The following MKLN1 variants were observed in gnomAD, a reference collection of about 807,000 sequenced individuals.
MKLN1 encodes the protein muskelin.
A neutral mutation model predicts 99.0 loss-of-function variants in MKLN1; 18 were observed. The observed-to-expected ratio is 0.18, with a 90% CI of 0.13 to 0.27. MKLN1 has a LOEUF of 0.27. MKLN1 is among the 10% of genes least tolerant of loss of function. The pLI, the probability that MKLN1 is intolerant of heterozygous loss-of-function variation, is 1.00. For synonymous variants in MKLN1, 288 were observed against 293.2 expected, an observed-to-expected ratio of 0.98 and a Z score of 0.18; for missense variants, 621 against 875.9, an observed-to-expected ratio of 0.71 and a Z score of 3.67.
intron 3 of MKLN1, among the ~76,000 whole-genome samples, chr7:131,287,200 ATGAACAGGTT>A (rs2116591434): frequency 6.6e-6 from 1 of 152,366 alleles, no homozygotes; most frequent in East Asian, 1.9e-4. Context: ...CCCATCTGAG[ATGAACAGGTT>A]TTGTGCTGGT....
chr7:131,441,975 G>A (rs1795853626), intron 10 of MKLN1, among the ~76,000 whole-genome samples: 2 of 152,300 alleles, frequency 1.3e-5, no homozygotes, highest in East Asian at 1.9e-4. Context: ...AGCCCTCAAC[G>A]GAGGCAGTGG....
At chr7:131,114,437 A>G (rs2116844698) in intron 1 of MKLN1, among the ~76,000 whole-genome samples, 1 of 152,320 alleles carries the variant, frequency 6.6e-6, no homozygotes, top group African/African-American at 2.4e-5. Flanking sequence ...GGAATAGTTC[A>G]TGGAAGTAGA....
At chr7:131,393,755 G>A (rs1400637578) in intron 4 of MKLN1, among the ~76,000 whole-genome samples, 1 of 152,048 alleles carries the variant, frequency 6.6e-6, no homozygotes, top group Non-Finnish European at 1.5e-5. Context: ...CTCCCAAGTA[G>A]CCAGGACTAC....
upstream of MKLN1, chr7:131,327,729 T>C (rs929868418): frequency 8.1e-7 from 1 of 1,238,188 alleles, no homozygotes; most frequent in Non-Finnish European, 1.1e-6. Flanking sequence ...GCGAGCGACG[T>C]GGGAAACCCT....
At chr7:131,327,588 T>C, upstream of MKLN1, 1 of 320,852 alleles carries the variant, frequency 3.1e-6, no homozygotes, top group East Asian at 5.7e-5. Flanking sequence ...CGTGTTTCTG[T>C]TCGTAATCAT....
intron 1 of MKLN1, among the ~76,000 whole-genome samples, chr7:131,110,367 G>T (rs145993218): frequency 0.012 from 1,898 of 152,242 alleles, 15 homozygotes; most frequent in Middle Eastern, 0.051. Flanking sequence ...GCCAAACGCA[G>T]CAATAATTAC....
intron 3 of MKLN1, among the ~76,000 whole-genome samples, chr7:131,256,167 A>G (rs1204911594): frequency 6.6e-6 from 1 of 152,116 alleles, no homozygotes; most frequent in Non-Finnish European, 1.5e-5. Context: ...CGGCCTCCCA[A>G]AGTGCTGGGA....
At chr7:131,243,740 G>A (rs932633564) in intron 3 of MKLN1, among the ~76,000 whole-genome samples, 2 of 152,128 alleles carry the variant, frequency 1.3e-5, no homozygotes, top group African/African-American at 4.8e-5. Flanking sequence ...CAGGCCCTGC[G>A]AGGTAGCTCA....
Position 131,264,724 on chromosome 7 carries a change from A to G in MKLN1, c.-179+61750A>G, listed in dbSNP as rs535665954. ...TTTTGCAGTTCTGTTGTTCAGCTAG[A>G]GAAGTTGTGAATTTTCTGCCTTAGC... is the stretch of plus-strand genomic sequence containing the variant. On this transcript the variant is annotated intron_variant, in intron 3 of 7. Coordinates refer to the MKLN1 transcript ENST00000416992. Among the ~76,000 whole-genome samples the G allele has an allele frequency of 1.2e-4, 19 of 152,230 alleles. No homozygotes were observed. In the South Asian group the frequency reaches 3.9e-3, roughly 32 times the overall value.
intron 3 of MKLN1, among the ~76,000 whole-genome samples, chr7:131,275,366 T>G (rs1164370960): frequency 1.7e-4 from 16 of 92,982 alleles, no homozygotes; most frequent in African/African-American, 6.3e-4. Flanking sequence ...TTGTTGTTGG[T>G]TTTTTTTTTT....
intron 1 of MKLN1, among the ~76,000 whole-genome samples, chr7:131,329,639 T>G (rs1431702176): frequency 6.6e-6 from 1 of 152,216 alleles, no homozygotes. Flanking sequence ...CTTAAATTTT[T>G]GATGTAGGCC....
intron 2 of MKLN1, among the ~76,000 whole-genome samples, chr7:131,167,201 T>C (rs1796139825): frequency 6.6e-6 from 1 of 152,092 alleles, no homozygotes; most frequent in South Asian, 2.1e-4. Flanking sequence ...TTCAAGGGTA[T>C]GATGAGGTTT....
chr7:131,247,400 G>C (rs1266791616), intron 3 of MKLN1, among the ~76,000 whole-genome samples: 1 of 151,984 alleles, frequency 6.6e-6, no homozygotes, highest in Non-Finnish European at 1.5e-5. Context: ...ATTTTTAGTA[G>C]AGATGGGGTT....
chr7:131,381,623 T>TACC lies in MKLN1; in HGVS notation c.169-5479_169-5477dup, dbSNP rs551454706. 3.3e-4 allele frequency among the ~76,000 whole-genome samples: 50 copies of TACC among 152,154 alleles called. No individual in the cohort carries two copies. The East Asian group carries it at 5.0e-3, about 15-fold the overall frequency. ...AATTCCATCATCCTGACCTCATCACTACCACCACCACCACCACCACTGCCA... is the reference window on the plus strand; with the variant it reads ...AATTCCATCATCCTGACCTCATCACTACCACCACCACCACCACCACCACTGCCA... On this transcript the variant is annotated intron_variant, in intron 2 of 17. Transcript: ENST00000352689.
At chr7:131,147,227 T>TTTC (rs1795827570) in intron 2 of MKLN1, among the ~76,000 whole-genome samples, 1 of 150,482 alleles carries the variant, frequency 6.6e-6, no homozygotes, top group South Asian at 2.1e-4. Flanking sequence ...ATTTTTTTTT[T>TTTC]TTTTTTGTAT....
intron 3 of MKLN1, among the ~76,000 whole-genome samples, chr7:131,275,878 C>T (rs1797964359): frequency 6.6e-6 from 1 of 152,088 alleles, no homozygotes; most frequent in African/African-American, 2.4e-5. Context: ...TGTAGACTTA[C>T]TCACCCCGTC....
intron 17 of MKLN1, among the ~76,000 whole-genome samples, chr7:131,482,309 C>T (rs1797146813): frequency 6.6e-6 from 1 of 152,164 alleles, no homozygotes. Flanking sequence ...ATCCTTCTGC[C>T]TCAGCCTCCC....
chr7:131,428,521 A>G (rs1479486381), intron 8 of MKLN1, among the ~76,000 whole-genome samples: 2 of 152,174 alleles, frequency 1.3e-5, no homozygotes, highest in African/African-American at 2.4e-5. Context: ...CTTTAATATG[A>G]CTTTTTTCAA....
intron 3 of MKLN1, among the ~76,000 whole-genome samples, chr7:131,297,727 G>A (rs575679988): frequency 6.6e-6 from 1 of 152,320 alleles, no homozygotes; most frequent in Admixed American, 6.5e-5. Context: ...ACAAGGTTGT[G>A]TGCAGGGTAA....
Sources: gnomAD v4.1 joint callset for allele counts (sites outside exome capture counted in the v4.1 genomes callset) on GRCh38, gnomAD v4.1.1 for gene constraint, MANE v1.5 for transcripts, NCBI Gene and HGNC (gene_info 2026-07-23, HGNC 2026-07-21) for gene names.